NAV2: variants seen among roughly 807,000 people sequenced by gnomAD.
The protein encoded by NAV2 is helicase, APC down-regulated 1.
NAV2 carries 54 observed loss-of-function variants against 223.2 expected under a neutral mutation model. The ratio of observed to expected loss-of-function variants is 0.24; its 90% CI spans 0.19 to 0.30. The LOEUF (loss-of-function observed/expected upper bound fraction) is 0.30, where lower values mean the gene tolerates loss of function less well. Among genes scored for constraint, NAV2 ranks in the 10% least tolerant of loss-of-function variants. The pLI, the probability that NAV2 is intolerant of heterozygous loss-of-function variation, is 1.00. For synonymous variants in NAV2, 1,279 were observed against 1,239.3 expected, an observed-to-expected ratio of 1.03 and a Z score of -0.67; for missense variants, 2,806 against 3,147.5, an observed-to-expected ratio of 0.89 and a Z score of 2.60.
At position 20,114,609 on chromosome 11, in the gene NAV2, C is replaced by T; in HGVS notation, c.6978C>T (p.Ala2326=). ...GTTTTCAGCTCTATGGAAGGCGCGC[C>T]CCCTGGGAGGATCCTGCCAAGTGGG... ...REGLQLYGRR[A]PWEDPAKWVM... The change falls in exon 37 of 38, where the codon GCC becomes GCT. Residue 2326 remains alanine (A), a synonymous_variant. Coordinates refer to ENST00000349880, the MANE Select transcript of NAV2 (RefSeq NM_145117.5). 1.2e-6 allele frequency: 2 copies of T among 1,614,154 alleles called. No homozygotes were observed. Among genetic ancestry groups the T allele is most frequent in the Non-Finnish European group, 1.7e-6 (2 of 1,180,028 alleles).
At chr11:19,520,274 CA>C (rs2043604996) in intron 1 of NAV2, among the ~76,000 whole-genome samples, 1 of 152,228 alleles carries the variant, frequency 6.6e-6, no homozygotes, top group African/African-American at 2.4e-5. Context: ...GAGCTGACAC[CA>C]GCTCATTTTC....
In NAV2 at chr11:19,794,077, C is replaced by A. The variant is rs547962240; in HGVS notation, c.268-38407C>A. 1.6e-4 allele frequency among the ~76,000 whole-genome samples: 25 copies of A among 152,210 alleles called. 1 individual carries two copies. The highest frequency in any genetic ancestry group is 6.0e-4 in the African/African-American group (25 of 41,524). On this transcript the variant is annotated intron_variant, in intron 1 of 37. Coordinates refer to ENST00000349880, the MANE Select transcript of NAV2 (RefSeq NM_145117.5). ...GCCTCACTCAACTTGTAGATGAGCCCCATGACATAGGGACATGTCTGCATT... is the reference window on the plus strand; with the variant it reads ...GCCTCACTCAACTTGTAGATGAGCCACATGACATAGGGACATGTCTGCATT...
intron 1 of NAV2, among the ~76,000 whole-genome samples, chr11:19,655,715 G>T (rs1284491014): frequency 7.1e-6 from 1 of 140,702 alleles, no homozygotes; most frequent in Non-Finnish European, 1.5e-5. Context: ...ATACAGGAAG[G>T]GGAACATCAC....
chr11:19,611,284 A>G (rs1056962481), intron 1 of NAV2, among the ~76,000 whole-genome samples: 1 of 152,164 alleles, frequency 6.6e-6, no homozygotes, highest in African/African-American at 2.4e-5. Flanking sequence ...TTTCAAGTTG[A>G]GATTTTGATG....
At chr11:19,491,190 G>A (rs1176184796) in intron 1 of NAV2, among the ~76,000 whole-genome samples, 2 of 152,060 alleles carry the variant, frequency 1.3e-5, no homozygotes, top group South Asian at 2.1e-4. Context: ...TAGTAAATGG[G>A]CATTGGCATC....
intron 1 of NAV2, among the ~76,000 whole-genome samples, chr11:19,675,511 T>C (rs1349856695): frequency 6.6e-6 from 1 of 152,206 alleles, no homozygotes; most frequent in Non-Finnish European, 1.5e-5. Context: ...TCTCCTTCAC[T>C]GTCTGTGAGC....
At chr11:19,955,108 G>C (rs2047738275) in intron 10 of NAV2, among the ~76,000 whole-genome samples, 1 of 152,080 alleles carries the variant, frequency 6.6e-6, no homozygotes, top group Non-Finnish European at 1.5e-5. Flanking sequence ...ATAGTAAGCA[G>C]TCAATAAATA....
At chr11:20,032,943 A>G (rs1308766859) in intron 11 of NAV2, among the ~76,000 whole-genome samples, 1 of 152,192 alleles carries the variant, frequency 6.6e-6, no homozygotes, top group African/African-American at 2.4e-5. Flanking sequence ...CTCAGTCCTC[A>G]CGGCCTCAGT....
intron 1 of NAV2, among the ~76,000 whole-genome samples, chr11:19,655,848 A>T (rs978413074): frequency 1.3e-5 from 2 of 152,088 alleles, no homozygotes; most frequent in African/African-American, 4.8e-5. Flanking sequence ...CATATGTAAC[A>T]AACCTGCACG....
At chr11:19,598,301 AC>A (rs1300909590) in intron 1 of NAV2, among the ~76,000 whole-genome samples, 1 of 152,358 alleles carries the variant, frequency 6.6e-6, no homozygotes, top group East Asian at 1.9e-4. Flanking sequence ...CACTTGTGGC[AC>A]CCACAGCGAG....
rs539728044 is a variant in NAV2 at position 19,900,270 on chromosome 11, G to T, written c.931+7676G>T. Among the ~76,000 whole-genome samples, 118 of 58,088 alleles carry T rather than the reference G, an allele frequency of 2.0e-3. 2 individuals carry two copies. The East Asian group carries it at 0.042, about 21-fold the overall frequency. The allele number at this position is 58,088 out of a possible 152,430, so 38.1% of individuals were successfully genotyped here. On this transcript the variant is annotated intron_variant, in intron 6 of 37. Coordinates refer to ENST00000349880, the MANE Select transcript of NAV2 (RefSeq NM_145117.5). ...TTTAGGGACTTCACAGATCACTGGA[G>T]GAATAAACAAGAAGTTGTATCAAAG...
At position 19,761,163 on chromosome 11, in the gene NAV2, A is replaced by G. The variant is rs145038351; in HGVS notation, c.267+47201A>G. Reference sequence around the variant, plus strand: ...GTTTGCTATGGATGTCCAGAATGCCAAAAGAGAGGGCAGTCTGGAGGCCTT... The same window carrying G: ...GTTTGCTATGGATGTCCAGAATGCCGAAAGAGAGGGCAGTCTGGAGGCCTT... On this transcript the variant is annotated intron_variant, in intron 1 of 37. Transcript: ENST00000349880. 5.0e-3 allele frequency among the ~76,000 whole-genome samples: 766 copies of G among 152,262 alleles called. 6 individuals are homozygous for G. Among genetic ancestry groups the G allele is most frequent in the African/African-American group, 0.017 (727 of 41,564 alleles).
chr11:19,464,018 T>C (rs774683180), intron 1 of NAV2, among the ~76,000 whole-genome samples: 66 of 152,150 alleles, frequency 4.3e-4, no homozygotes, highest in Middle Eastern at 6.3e-3. Flanking sequence ...AAGAAATGTT[T>C]CTCCTCTGTG....
At chr11:19,345,705 G>C in the NAV2 span, among the ~76,000 whole-genome samples, 2,904 of 152,366 alleles carry the variant, frequency 0.019, 91 homozygotes, top group African/African-American at 0.067. This position sits in a 1 kb window ranked among gnomAD's most constrained non-coding sequence, Gnocchi z 5.2. Flanking sequence ...AGTGCTCCGA[G>C]GCTGCTCTGC....
At chr11:19,679,437 A>AAAAAAAAAAAAAAAAC (rs1554992744) in intron 1 of NAV2, among the ~76,000 whole-genome samples, 1 of 149,346 alleles carries the variant, frequency 6.7e-6, no homozygotes, top group Non-Finnish European at 1.5e-5. Context: ...TCTCAAAAAA[A>AAAAAAAAAAAAAAAAC]CACAAAAAGA....
At chr11:19,778,471 T>C (rs2056463839) in intron 1 of NAV2, 1 of 360,218 alleles carries the variant, frequency 2.8e-6, no homozygotes, top group African/African-American at 2.2e-5. Context: ...TACTTACTGG[T>C]GTGAGGTCTT....
At chr11:19,702,111 T>C (rs1466700636) in intron 1 of NAV2, among the ~76,000 whole-genome samples, 1 of 152,198 alleles carries the variant, frequency 6.6e-6, no homozygotes, top group Non-Finnish European at 1.5e-5. Context: ...TAGAGGCAAG[T>C]TGATAGATCA....
At chr11:19,944,689 C>G (rs1198399988) in intron 8 of NAV2, among the ~76,000 whole-genome samples, 3 of 117,484 alleles carry the variant, frequency 2.6e-5, no homozygotes, top group African/African-American at 9.8e-5. Context: ...CTTCTCTTTT[C>G]TTTCTTTCTT....
intron 1 of NAV2, among the ~76,000 whole-genome samples, chr11:19,379,700 T>A (rs555797337): frequency 6.6e-6 from 1 of 152,332 alleles, no homozygotes; most frequent in South Asian, 2.1e-4. Flanking sequence ...TCACATGGAC[T>A]TCTTCCAGGT....
Sources: allele counts gnomAD v4.1 joint callset (sites outside exome capture counted in the v4.1 genomes callset), GRCh38; gene constraint gnomAD v4.1.1; non-coding constraint Gnocchi (gnomAD v3.1); transcripts MANE v1.5; gene names NCBI Gene and HGNC (gene_info 2026-07-23, HGNC 2026-07-21).